The following FMN2 variants were observed in gnomAD, a reference collection of about 807,000 sequenced individuals.
FMN2 encodes formin-2.
FMN2 carries 51 observed loss-of-function variants against 142.3 expected under a neutral mutation model. The ratio of observed to expected loss-of-function variants is 0.36; its 90% CI spans 0.29 to 0.45. FMN2 has a LOEUF of 0.45. Among genes scored for constraint, FMN2 ranks in the 20% least tolerant of loss-of-function variants. FMN2 has a pLI of 1.00. For synonymous variants in FMN2, 882 were observed against 869.8 expected (o/e 1.01, Z -0.25); for missense variants, 1,936 against 2,122.8 (o/e 0.91, Z 1.73).
chr1:240,379,710 A>G (rs1273996297), intron 14 of FMN2, among the ~76,000 whole-genome samples: 2 of 152,176 alleles, frequency 1.3e-5, no homozygotes, highest in African/African-American at 4.8e-5. Context: ...TAATTACAGC[A>G]GGAGGGTAAG....
intron 2 of FMN2, chr1:240,144,847 T>G (rs10926139): frequency 6.9e-7 from 1 of 1,445,012 alleles, no homozygotes; most frequent in African/African-American, 1.4e-5. Flanking sequence ...GGACCTTCTT[T>G]GCATCATCCA....
chr1:240,392,522 C>A lies in FMN2; in HGVS notation c.4870C>A (p.Gln1624Lys). The change falls in exon 15 of 18, where the codon CAA becomes AAA. Residue 1624 changes from glutamine (Q) to lysine (K), a missense_variant. This residue lies in a region of FMN2 where 322 missense variants were observed against 401.6 expected (regional missense o/e 0.80). Coordinates refer to ENST00000319653, the MANE Select transcript of FMN2 (RefSeq NM_020066.5). ...EQFIIQAKID[Q>K]EAEENSLTET... ...TCTTGCACTTTCAGCCAAAATTGAC[C>A]AAGAGGCAGAGGAAAATTCACTGAC... 6.2e-7 allele frequency: 1 copy of A among 1,609,244 alleles called. No individual in the cohort carries two copies. The highest frequency in any genetic ancestry group is 8.5e-7 in the Non-Finnish European group (1 of 1,177,678).
At chr1:240,396,638 C>T (rs10926240) in intron 15 of FMN2, among the ~76,000 whole-genome samples, 79,724 of 151,786 alleles carry the variant, frequency 0.53, 21,861 homozygotes, top group African/African-American at 0.69. Context: ...CCAGTGTCTG[C>T]TGTTCCCATG....
At chr1:240,355,986 A>AG (rs1672258114) in intron 14 of FMN2, 78 bp downstream of exon 14, 3 of 815,398 alleles carry the variant, frequency 3.7e-6, no homozygotes, top group African/African-American at 2.0e-5. Flanking sequence ...AAAAAAAAAA[A>AG]GCTACAAGGC....
chr1:240,380,959 T>C (rs1355050312), intron 14 of FMN2, among the ~76,000 whole-genome samples: 1 of 152,164 alleles, frequency 6.6e-6, no homozygotes, highest in Non-Finnish European at 1.5e-5. Context: ...TGAGCATCTC[T>C]ATGCCCACAA....
In FMN2 at chr1:240,092,990, C is replaced by T. The variant is rs1037539031; in HGVS notation, c.881C>T (p.Pro294Leu). The change falls in exon 1 of 18, where the codon CCG (proline) becomes CTG (leucine). Residue 294 changes from proline to leucine, a missense_variant. Pro to Leu is a moderately conservative substitution (Grantham distance 98, BLOSUM62 -3). Around this residue, in one of 8 missense-constraint regions of FMN2, gnomAD observed 751 missense variants for 791.8 expected, o/e 0.95. Coordinates refer to ENST00000319653, the MANE Select transcript of FMN2 (RefSeq NM_020066.5). ...AAEPREPQQP[P>L]SPGGLPVSEA... is the part of the protein sequence containing the mutation. ...GAGCCCCGGGAGCCCCAGCAACCGC[C>T]GTCCCCCGGCGGCCTCCCGGTCTCC... 9 of 1,402,218 alleles carry T rather than the reference C, an allele frequency of 6.4e-6. No individual in the cohort carries two copies. The South Asian group carries it at 1.3e-4, about 20-fold the overall frequency. 86.9% of individuals were successfully genotyped at this position (1,402,218 alleles called of 1,614,324 possible).
In FMN2 at chr1:240,092,864, TC is replaced by T. The variant is rs1254017810; in HGVS notation, c.757del (p.Leu253CysfsTer199). 1 of 1,541,686 alleles carries T rather than the reference TC, an allele frequency of 6.5e-7. No homozygotes were observed. Among genetic ancestry groups the T allele is most frequent in the African/African-American group, 1.4e-5 (1 of 73,200 alleles). On this transcript the variant is annotated frameshift_variant, in exon 1 of 18. Coordinates refer to ENST00000319653, the MANE Select transcript of FMN2 (RefSeq NM_020066.5). LOFTEE classifies it high-confidence loss of function. ...GGGGCCTTCCTGGGCCTGGACCGGT[TC>T]CTGCTGGGGCCGAGCGGCGGGGCTG... ...QPGAFLGLDR[F>X]LLGPSGGAGE...
At chr1:240,245,545 G>A (rs1338242610) in intron 6 of FMN2, 1 of 471,394 alleles carries the variant, frequency 2.1e-6, no homozygotes, top group African/African-American at 2.0e-5. Context: ...TTGTGAAATA[G>A]AGCTCATTAG....
rs564456327 is a variant in FMN2 at position 240,470,023 on chromosome 1, A to C, written c.5061-2349A>C. Among the ~76,000 whole-genome samples the C allele has an allele frequency of 3.3e-5, 5 of 152,206 alleles. No individual in the cohort carries two copies. In the South Asian group the frequency reaches 8.3e-4, roughly 25 times the overall value. Reference sequence around the variant, plus strand: ...GTAAAATTAAAAATGTTTGTATTAGACTCGGTTTCCTGTGATCCTTACAAA... The same window carrying C: ...GTAAAATTAAAAATGTTTGTATTAGCCTCGGTTTCCTGTGATCCTTACAAA... On this transcript the variant is annotated intron_variant, in intron 16 of 17. Coordinates refer to ENST00000319653, the MANE Select transcript of FMN2 (RefSeq NM_020066.5).
intron 7 of FMN2, among the ~76,000 whole-genome samples, chr1:240,292,265 T>C (rs1258362950): frequency 2.6e-5 from 4 of 152,256 alleles, no homozygotes; most frequent in African/African-American, 9.6e-5. Flanking sequence ...TCTTTGAATC[T>C]TTTTGCCACC....
intron 1 of FMN2, among the ~76,000 whole-genome samples, chr1:240,105,093 T>A (rs1661554462): frequency 6.7e-6 from 1 of 149,872 alleles, no homozygotes; most frequent in African/African-American, 2.5e-5. Context: ...TTTCCTAGTT[T>A]ATGCTTCTTT....
intron 6 of FMN2, 84 bp from the exon 7 acceptor site, chr1:240,257,861 C>T (rs943946571): frequency 1.8e-6 from 2 of 1,124,790 alleles, no homozygotes; most frequent in African/African-American, 3.1e-5. Flanking sequence ...TGAATTTGTT[C>T]TTCATTTAGG....
intron 8 of FMN2, among the ~76,000 whole-genome samples, chr1:240,297,741 G>C (rs1224338448): frequency 6.6e-6 from 1 of 151,966 alleles, no homozygotes; most frequent in African/African-American, 2.4e-5. Flanking sequence ...AGTAGAAAAA[G>C]TACTGTGTCT....
At chr1:240,200,964 AT>A (rs1373677638) in intron 4 of FMN2, among the ~76,000 whole-genome samples, 1 of 152,102 alleles carries the variant, frequency 6.6e-6, no homozygotes, top group Non-Finnish European at 1.5e-5. Flanking sequence ...AAAGATTCAG[AT>A]TTGGAATTTT....
At chr1:240,385,830 A>C (rs1457676456) in intron 14 of FMN2, among the ~76,000 whole-genome samples, 1 of 152,172 alleles carries the variant, frequency 6.6e-6, no homozygotes, top group African/African-American at 2.4e-5. Context: ...TTGAGTTTTT[A>C]ATAACTAGCC....
chr1:240,306,932 A>G (rs1487200779), intron 8 of FMN2, among the ~76,000 whole-genome samples: 1 of 152,180 alleles, frequency 6.6e-6, no homozygotes, highest in Non-Finnish European at 1.5e-5. Context: ...ACATTTTAGT[A>G]ATAGCCATTC....
chr1:240,180,452 C>T (rs1160996333), intron 3 of FMN2, among the ~76,000 whole-genome samples: 1 of 151,256 alleles, frequency 6.6e-6, no homozygotes, highest in Non-Finnish European at 1.5e-5. Context: ...ACATCAATCA[C>T]AAAGTTTGAT....
chr1:240,358,302 A>T (rs1430411857), intron 14 of FMN2, among the ~76,000 whole-genome samples: 1 of 152,232 alleles, frequency 6.6e-6, no homozygotes, highest in Non-Finnish European at 1.5e-5. Flanking sequence ...TAAACAACAG[A>T]AAATTTTTTG....
At chr1:240,242,675 C>T (rs1404410084) in intron 6 of FMN2, among the ~76,000 whole-genome samples, 1 of 152,110 alleles carries the variant, frequency 6.6e-6, no homozygotes, top group African/African-American at 2.4e-5. Flanking sequence ...TTCTTGGTAA[C>T]CTTACCAAAT....
Sources: allele counts gnomAD v4.1 joint callset (sites outside exome capture counted in the v4.1 genomes callset), GRCh38; gene constraint gnomAD v4.1.1; regional missense constraint gnomAD v4.1.1; transcripts MANE v1.5; gene names NCBI Gene and HGNC (gene_info 2026-07-23, HGNC 2026-07-21).